GALNTL6: variants seen among roughly 807,000 people sequenced by gnomAD.
GALNTL6 encodes the protein polypeptide N-acetylgalactosaminyltransferase like 6, also known as polypeptide N-acetylgalactosaminyltransferase-like 6.
A neutral mutation model predicts 73.7 loss-of-function variants in GALNTL6; 46 were observed. The ratio of observed to expected loss-of-function variants is 0.62; its 90% CI spans 0.49 to 0.80. GALNTL6 has a LOEUF of 0.80. GALNTL6 is among the 30% of genes least tolerant of loss of function. The pLI, the probability that GALNTL6 is intolerant of heterozygous loss-of-function variation, is 0.00. For synonymous variants in GALNTL6, 259 were observed against 263.7 expected, an observed-to-expected ratio of 0.98 and a Z score of 0.17; for missense variants, 604 against 755.0, an observed-to-expected ratio of 0.80 and a Z score of 2.34.
intron 2 of GALNTL6, among the ~76,000 whole-genome samples, chr4:171,835,678 T>C (rs975261727): frequency 1.3e-4 from 20 of 152,010 alleles, no homozygotes; most frequent in African/African-American, 4.8e-4. Context: ...AAAATAGTCA[T>C]GTATAATTCA....
At chr4:172,524,238 C>CT in intron 5 of GALNTL6, among the ~76,000 whole-genome samples, 1 of 152,098 alleles carries the variant, frequency 6.6e-6, no homozygotes, top group Non-Finnish European at 1.5e-5. Context: ...TTATTTTTTG[C>CT]TCATTTATTT....
chr4:172,593,221 T>C (rs1010385616), intron 5 of GALNTL6, among the ~76,000 whole-genome samples: 3 of 152,216 alleles, frequency 2.0e-5, no homozygotes, highest in African/African-American at 7.2e-5. Context: ...TAACTTACAA[T>C]AGAACTTTAT....
intron 2 of GALNTL6, among the ~76,000 whole-genome samples, chr4:171,943,206 T>C (rs966069217): frequency 4.6e-5 from 7 of 152,194 alleles, no homozygotes; most frequent in Non-Finnish European, 1.0e-4. Context: ...GTTCTTATGA[T>C]AGAAAAAATA....
intron 7 of GALNTL6, among the ~76,000 whole-genome samples, chr4:172,864,973 G>A (rs1744588759): frequency 6.6e-6 from 1 of 152,104 alleles, no homozygotes; most frequent in South Asian, 2.1e-4. Context: ...AATTATAGTT[G>A]CATTATTGGA....
intron 2 of GALNTL6, among the ~76,000 whole-genome samples, chr4:171,918,906 T>A (rs10866351): frequency 0.19 from 29,372 of 152,026 alleles, 2,950 homozygotes; most frequent in South Asian, 0.28. Flanking sequence ...AATTACTGCA[T>A]GATTCTAGTT....
intron 2 of GALNTL6, among the ~76,000 whole-genome samples, chr4:172,019,497 C>CA (rs1323159981): frequency 1.3e-5 from 2 of 151,634 alleles, no homozygotes; most frequent in African/African-American, 2.4e-5. Flanking sequence ...TAAAAGAAAC[C>CA]AAAAAAGAGC....
intron 5 of GALNTL6, among the ~76,000 whole-genome samples, chr4:172,662,371 A>G (rs1281103351): frequency 2.0e-5 from 3 of 152,158 alleles, no homozygotes; most frequent in African/African-American, 7.2e-5. Context: ...GATCTGACCT[A>G]GTGACTAGTT....
intron 9 of GALNTL6, among the ~76,000 whole-genome samples, chr4:172,935,125 G>T (rs998790519): frequency 8.5e-5 from 13 of 152,148 alleles, no homozygotes; most frequent in African/African-American, 3.1e-4. Context: ...GGAACAACTT[G>T]GCCCATGAGA....
Position 172,984,006 on chromosome 4 carries a change from G to A in GALNTL6, c.1372-25172G>A, listed in dbSNP as rs1473544017. On this transcript the variant is annotated intron_variant, in intron 10 of 12. Coordinates refer to ENST00000506823, the MANE Select transcript of GALNTL6 (RefSeq NM_001034845.3). Reference sequence around the variant, plus strand: ...GGGTATAGGCAAAATATCACATTCTGCATTCCAAAAAATAAGTATCAAGCT... The same window carrying A: ...GGGTATAGGCAAAATATCACATTCTACATTCCAAAAAATAAGTATCAAGCT... Among the ~76,000 whole-genome samples, 4 of 151,706 alleles carry A rather than the reference G, an allele frequency of 2.6e-5. No homozygotes were observed. In the East Asian group the frequency reaches 7.7e-4, roughly 29 times the overall value.
intron 2 of GALNTL6, among the ~76,000 whole-genome samples, chr4:172,204,632 A>G (rs1459615121): frequency 6.6e-6 from 1 of 152,216 alleles, no homozygotes; most frequent in East Asian, 1.9e-4. Context: ...TTTGCATGAT[A>G]AATTATATTG....
At chr4:172,677,310 C>A (rs17058736) in intron 5 of GALNTL6, among the ~76,000 whole-genome samples, 13,792 of 152,154 alleles carry the variant, frequency 0.091, 751 homozygotes, top group East Asian at 0.21. Flanking sequence ...ATTGTGTTGA[C>A]CTCTGACCCA....
intron 2 of GALNTL6, among the ~76,000 whole-genome samples, chr4:172,077,168 G>A (rs1012588347): frequency 2.0e-5 from 3 of 152,002 alleles, no homozygotes; most frequent in African/African-American, 7.3e-5. Context: ...GTGTGAAAAT[G>A]GACAAATACA....
chr4:172,971,321 A>T (rs1312533421), intron 10 of GALNTL6, among the ~76,000 whole-genome samples: 1 of 152,210 alleles, frequency 6.6e-6, no homozygotes, highest in African/African-American at 2.4e-5. Flanking sequence ...CAAGGCCATC[A>T]AAAAGCAGTT....
At chr4:172,484,405 G>A (rs1733601321) in intron 5 of GALNTL6, among the ~76,000 whole-genome samples, 1 of 152,166 alleles carries the variant, frequency 6.6e-6, no homozygotes, top group African/African-American at 2.4e-5. Context: ...AGATATCAGT[G>A]TAACAGGAAG....
At chr4:172,075,854 G>A (rs181039178) in intron 2 of GALNTL6, among the ~76,000 whole-genome samples, 7 of 152,250 alleles carry the variant, frequency 4.6e-5, no homozygotes, top group Admixed American at 3.3e-4. Flanking sequence ...GACTGAGCAA[G>A]TTAATTATCC....
rs557781801 is a variant in GALNTL6, at chr4:171,894,026, C to T, written c.138+79308C>T. Among the ~76,000 whole-genome samples the T allele has an allele frequency of 9.9e-5, 13 of 131,240 alleles. No homozygotes were observed. The East Asian group carries it at 3.3e-3, about 33-fold the overall frequency. 86.1% of individuals were successfully genotyped at this position (131,240 alleles called of 152,430 possible). A position where few individuals can be genotyped will look rare whatever the true frequency, so the allele number is the denominator to read the frequency against. ...AGAACACATCATCATCATTATTTTTCCCCAAGTTGCTATTTAAGAAGTTTA... is the reference window on the plus strand; with the variant it reads ...AGAACACATCATCATCATTATTTTTTCCCAAGTTGCTATTTAAGAAGTTTA... On this transcript the variant is annotated intron_variant, in intron 2 of 12. Transcript: ENST00000506823.
At chr4:171,949,113 C>T (rs1445741058) in intron 2 of GALNTL6, among the ~76,000 whole-genome samples, 1 of 152,094 alleles carries the variant, frequency 6.6e-6, no homozygotes, top group African/African-American at 2.4e-5. Context: ...GGTTTCTCTG[C>T]TAATCCCACA....
At chr4:172,502,724 T>G (rs767644148) in intron 5 of GALNTL6, among the ~76,000 whole-genome samples, 2 of 152,248 alleles carry the variant, frequency 1.3e-5, no homozygotes, top group Non-Finnish European at 2.9e-5. Context: ...TATTGAGCAC[T>G]TACACTGTAT....
chr4:172,915,417 T>C (rs894233378), intron 8 of GALNTL6, among the ~76,000 whole-genome samples: 1 of 151,814 alleles, frequency 6.6e-6, no homozygotes, highest in African/African-American at 2.4e-5. Flanking sequence ...CTGAAGGAGA[T>C]AGAGACACAA....
Sources: gnomAD v4.1 joint callset for allele counts (sites outside exome capture counted in the v4.1 genomes callset) on GRCh38, gnomAD v4.1.1 for gene constraint, MANE v1.5 for transcripts, NCBI Gene and HGNC (gene_info 2026-07-23, HGNC 2026-07-21) for gene names.